The following ST6GALNAC3 variants were observed in gnomAD, a reference collection of about 807,000 sequenced individuals.
The protein encoded by ST6GALNAC3 is ST6 N-acetylgalactosaminide alpha-2,6-sialyltransferase 3.
A neutral mutation model predicts 32.7 loss-of-function variants in ST6GALNAC3; 25 were observed. The ratio of observed to expected loss-of-function variants is 0.76; its 90% confidence interval spans 0.56 to 1.07. The LOEUF (loss-of-function observed/expected upper bound fraction) is 1.07. ST6GALNAC3 is among the 50% of genes least tolerant of loss of function. The pLI, the probability that ST6GALNAC3 is intolerant of heterozygous loss-of-function variation, is 0.00. For missense variants in ST6GALNAC3, 355 were observed against 382.4 expected (o/e 0.93, Z 0.60); for synonymous variants, 129 against 133.1 (o/e 0.97, Z 0.21).
At chr1:76,614,592 G>A (rs929209506) in intron 3 of ST6GALNAC3, among the ~76,000 whole-genome samples, 1 of 151,712 alleles carries the variant, frequency 6.6e-6, no homozygotes, top group Admixed American at 6.6e-5. Flanking sequence ...GGTGGCGGGC[G>A]CCTGTAGTCC....
At chr1:76,202,283 T>TGTGG (rs1466712217) in intron 1 of ST6GALNAC3, among the ~76,000 whole-genome samples, 1 of 151,606 alleles carries the variant, frequency 6.6e-6, no homozygotes, top group African/African-American at 2.4e-5. Flanking sequence ...TGTGTGTGTG[T>TGTGG]GTGTGTGTGT....
chr1:76,239,041 A>G (rs1025507459), intron 1 of ST6GALNAC3, among the ~76,000 whole-genome samples: 5 of 150,446 alleles, frequency 3.3e-5, no homozygotes, highest in Non-Finnish European at 5.9e-5. Context: ...CTCCATTGGC[A>G]TAGAATATAG....
At chr1:76,204,880 T>G (rs1654734842) in intron 1 of ST6GALNAC3, among the ~76,000 whole-genome samples, 2 of 152,230 alleles carry the variant, frequency 1.3e-5, no homozygotes, top group Non-Finnish European at 1.5e-5. Flanking sequence ...GATTCTTATA[T>G]TAATAACAGT....
At chr1:76,481,508 A>G (rs1192626136) in intron 3 of ST6GALNAC3, among the ~76,000 whole-genome samples, 1 of 152,170 alleles carries the variant, frequency 6.6e-6, no homozygotes, top group Non-Finnish European at 1.5e-5. Context: ...ATTTTGCTTC[A>G]ATGATTCTTG....
chr1:76,348,712 T>G (rs1454733450), intron 2 of ST6GALNAC3, among the ~76,000 whole-genome samples: 1 of 152,206 alleles, frequency 6.6e-6, no homozygotes. Context: ...CCTGAAGCTT[T>G]TCATACAACA....
At chr1:76,083,398 T>A (rs1039803179) in intron 1 of ST6GALNAC3, among the ~76,000 whole-genome samples, 1 of 152,248 alleles carries the variant, frequency 6.6e-6, no homozygotes, top group Non-Finnish European at 1.5e-5. Context: ...TGAAAGTCTC[T>A]CTTTGTGAAG....
At chr1:76,253,245 C>T (rs1657723530) in intron 1 of ST6GALNAC3, among the ~76,000 whole-genome samples, 1 of 152,130 alleles carries the variant, frequency 6.6e-6, no homozygotes. Flanking sequence ...CTTATACATT[C>T]TTCTGTGTCA....
At chr1:76,595,301 TA>T (rs1466529036) in intron 3 of ST6GALNAC3, among the ~76,000 whole-genome samples, 3 of 152,114 alleles carry the variant, frequency 2.0e-5, no homozygotes, top group Non-Finnish European at 4.4e-5. Flanking sequence ...CTGGTTAACA[TA>T]AGTAAACAAG....
At chr1:76,200,520 A>T (rs1163255356) in intron 1 of ST6GALNAC3, among the ~76,000 whole-genome samples, 2 of 152,122 alleles carry the variant, frequency 1.3e-5, no homozygotes, top group Admixed American at 6.5e-5. Flanking sequence ...GGGAGCAATG[A>T]AATAACCTAT....
At chr1:76,290,717 C>T (rs1448514266) in intron 1 of ST6GALNAC3, among the ~76,000 whole-genome samples, 2 of 152,194 alleles carry the variant, frequency 1.3e-5, no homozygotes, top group African/African-American at 4.8e-5. Context: ...ACCCTTATCT[C>T]ATACTGGGAC....
chr1:76,145,545 C>G (rs370566393), intron 1 of ST6GALNAC3, among the ~76,000 whole-genome samples: 4 of 152,188 alleles, frequency 2.6e-5, no homozygotes, highest in Admixed American at 1.3e-4. Flanking sequence ...TTGAATACCT[C>G]TGGGCCAAAA....
At chr1:76,101,372 T>A (rs1647220799) in intron 1 of ST6GALNAC3, among the ~76,000 whole-genome samples, 1 of 152,196 alleles carries the variant, frequency 6.6e-6, no homozygotes, top group Non-Finnish European at 1.5e-5. Context: ...CAATATTTCA[T>A]TTTCTAGGTG....
intron 3 of ST6GALNAC3, among the ~76,000 whole-genome samples, chr1:76,490,467 A>G (rs1268496497): frequency 2.0e-5 from 3 of 148,926 alleles, no homozygotes; most frequent in Non-Finnish European, 4.5e-5. Context: ...ATTATATATA[A>G]GTTATATGAG....
At chr1:76,370,066 C>A (rs1028150810) in intron 2 of ST6GALNAC3, among the ~76,000 whole-genome samples, 1 of 152,122 alleles carries the variant, frequency 6.6e-6, no homozygotes, top group African/African-American at 2.4e-5. Context: ...AAATATAAAG[C>A]CTCTTGCTGT....
intron 2 of ST6GALNAC3, among the ~76,000 whole-genome samples, chr1:76,361,307 T>C (rs527848622): frequency 1.5e-4 from 23 of 152,276 alleles, no homozygotes; most frequent in Non-Finnish European, 2.9e-4. Flanking sequence ...GATGCTGCAC[T>C]ACTGCATGGA....
chr1:76,109,411 T>C (rs1647768691), intron 1 of ST6GALNAC3, among the ~76,000 whole-genome samples: 1 of 152,186 alleles, frequency 6.6e-6, no homozygotes, highest in Admixed American at 6.5e-5. Flanking sequence ...TTGTCATTTG[T>C]TGTTAAGAGC....
At chr1:76,168,102 A>G (rs1652241873) in intron 1 of ST6GALNAC3, among the ~76,000 whole-genome samples, 1 of 151,818 alleles carries the variant, frequency 6.6e-6, no homozygotes, top group Admixed American at 6.6e-5. Flanking sequence ...GATCTTTCTA[A>G]TTTTTTGATG....
chr1:76,115,295 T>C (rs1340748603), intron 1 of ST6GALNAC3, among the ~76,000 whole-genome samples: 1 of 152,190 alleles, frequency 6.6e-6, no homozygotes, highest in Non-Finnish European at 1.5e-5. Flanking sequence ...AGTATGCCTC[T>C]AAGTAAACCA....
chr1:76,543,267 A>G (rs1170457116), intron 3 of ST6GALNAC3, among the ~76,000 whole-genome samples: 1 of 152,186 alleles, frequency 6.6e-6, no homozygotes, highest in East Asian at 1.9e-4. Context: ...CACTCAGGGA[A>G]GGTCGGGAAC....
Sources: allele counts gnomAD v4.1 joint callset (sites outside exome capture counted in the v4.1 genomes callset), GRCh38; gene constraint gnomAD v4.1.1; transcripts MANE v1.5; gene names NCBI Gene and HGNC (gene_info 2026-07-23, HGNC 2026-07-21).